METTL21A: variants seen among roughly 807,000 people sequenced by gnomAD.
The protein encoded by METTL21A is protein N-lysine methyltransferase METTL21A.
A neutral mutation model predicts 20.9 loss-of-function variants in METTL21A; 22 were observed. The observed-to-expected ratio is 1.05, with a 90% CI of 0.75 to 1.50. The LOEUF (loss-of-function observed/expected upper bound fraction) is 1.50. Ranked by LOEUF, METTL21A falls within the 40% of genes most tolerant of loss-of-function variation. The pLI is 0.00. For missense variants in METTL21A, 271 were observed against 266.8 expected, an observed-to-expected ratio of 1.02 and a Z score of -0.11; for synonymous variants, 93 against 102.0, an observed-to-expected ratio of 0.91 and a Z score of 0.53.
intron 3 of METTL21A, among the ~76,000 whole-genome samples, chr2:207,590,466 T>C (rs904192587): frequency 5.3e-5 from 8 of 152,090 alleles, no homozygotes; most frequent in African/African-American, 1.9e-4. Flanking sequence ...TGTACTCTGA[T>C]CTTTGTTATT....
intron 3 of METTL21A, among the ~76,000 whole-genome samples, chr2:207,617,214 G>A (rs1433206473): frequency 2.0e-5 from 3 of 152,192 alleles, no homozygotes; most frequent in African/African-American, 7.2e-5. Flanking sequence ...ATGTGCTAGA[G>A]ATACAAAGAT....
chr2:207,600,989 CT>C (rs2086954081), intron 3 of METTL21A: 1 of 7,352 alleles, frequency 1.4e-4, no homozygotes, highest in Non-Finnish European at 2.7e-4. Context: ...ATAAATTGGT[CT>C]CTGTTTATTT....
At chr2:207,593,459 G>A (rs1186019320) in intron 3 of METTL21A, among the ~76,000 whole-genome samples, 1 of 152,152 alleles carries the variant, frequency 6.6e-6, no homozygotes, top group Non-Finnish European at 1.5e-5. Context: ...GAGCCTGGGA[G>A]GTCAAGGCTG....
intron 3 of METTL21A, among the ~76,000 whole-genome samples, chr2:207,594,991 C>CTTTT (rs751274446): frequency 2.9e-4 from 34 of 118,840 alleles, no homozygotes; most frequent in Admixed American, 3.5e-4. Flanking sequence ...TGTTGAGCAT[C>CTTTT]TTTTTTTTTT....
downstream of METTL21A, among the ~76,000 whole-genome samples, chr2:207,608,382 T>C (rs1253171029): frequency 1.3e-5 from 2 of 151,450 alleles, no homozygotes; most frequent in African/African-American, 4.9e-5. Flanking sequence ...AGAAAATCAC[T>C]TGATTTTCAC....
At chr2:207,584,191 A>G (rs968036214) in intron 3 of METTL21A, among the ~76,000 whole-genome samples, 1 of 152,220 alleles carries the variant, frequency 6.6e-6, no homozygotes. Context: ...GGTTGCATGA[A>G]ATGTAACTAA....
chr2:207,583,108 C>T (rs2083232449), intron 3 of METTL21A, among the ~76,000 whole-genome samples: 1 of 151,888 alleles, frequency 6.6e-6, no homozygotes, highest in Non-Finnish European at 1.5e-5. Flanking sequence ...ATAGTATTTA[C>T]ATTGTATTAA....
chr2:207,603,475 G>GT lies in METTL21A; in HGVS notation c.259+18330dup, dbSNP rs551183821. 53 of 224,418 alleles carry GT rather than the reference G, an allele frequency of 2.4e-4. 1 individual carries two copies. The South Asian group carries it at 4.1e-3, about 17-fold the overall frequency. The allele number at this position is 224,418 out of a possible 1,614,324, so 13.9% of individuals were successfully genotyped here. A position where few individuals can be genotyped will look rare whatever the true frequency, so the allele number is the denominator to read the frequency against. ...GGATGGGATCTCTATATTTTGTTGG[G>GT]TTTTTTTTGCTAGTAGTGTGAAGCC... On this transcript the variant is annotated intron_variant, in intron 3 of 3. Coordinates refer to the METTL21A transcript ENST00000425132.
At chr2:207,597,827 C>A in intron 3 of METTL21A, 1 of 193,810 alleles carries the variant, frequency 5.2e-6, no homozygotes, top group Non-Finnish European at 1.1e-5. Flanking sequence ...TAAATTAAAG[C>A]AAAGTAAATA....
At chr2:207,603,530 A>G (rs2087496771) in intron 3 of METTL21A, 2 of 224,496 alleles carry the variant, frequency 8.9e-6, no homozygotes, top group East Asian at 6.5e-5. Flanking sequence ...GTTACAATAT[A>G]TTACAAGCTT....
At chr2:207,615,705 A>G (rs180905496) in intron 3 of METTL21A, 1,913 of 152,042 alleles carry the variant, frequency 0.013, 18 homozygotes, top group Non-Finnish European at 0.021. Context: ...AAAAAAAAAA[A>G]AAAAGAAAAG....
At chr2:207,620,217 G>A (rs1215418637) in intron 3 of METTL21A, among the ~76,000 whole-genome samples, 2 of 152,150 alleles carry the variant, frequency 1.3e-5, no homozygotes, top group African/African-American at 4.8e-5. Context: ...GCCAAGGTGG[G>A]CAGATCACCT....
chr2:207,605,595 G>C (rs1034019211), downstream of METTL21A, among the ~76,000 whole-genome samples: 1 of 152,142 alleles, frequency 6.6e-6, no homozygotes, highest in African/African-American at 2.4e-5. Flanking sequence ...GTGACAGTCT[G>C]TGCATATATA....
In METTL21A at chr2:207,596,884, A is replaced by G. The variant is rs995601442; in HGVS notation, c.260-14724T>C. On this transcript the variant is annotated intron_variant, in intron 3 of 3. Coordinates refer to the METTL21A transcript ENST00000425132. ...AAATAAATATGTGGAAATCATTTGC[A>G]TAATTTTTCCCGTCCTCTTTTGCTT... is the stretch of plus-strand genomic sequence containing the variant. The G allele has an allele frequency of 1.6e-5, 25 of 1,584,816 alleles. 1 individual carries two copies. The highest frequency in any genetic ancestry group is 3.9e-5 in the Admixed American group (2 of 50,926).
chr2:207,585,926 T>C (rs367669575), intron 3 of METTL21A, among the ~76,000 whole-genome samples: 33 of 152,096 alleles, frequency 2.2e-4, no homozygotes, highest in African/African-American at 7.7e-4. Context: ...GGAGAAAATA[T>C]AGGAAAAGGC....
At chr2:207,624,524 A>G in intron 1 of METTL21A, 120 bp from the exon 2 acceptor site, 1 of 904,108 alleles carries the variant, frequency 1.1e-6, no homozygotes, top group Admixed American at 3.7e-5. Flanking sequence ...AAACAGGTGG[A>G]GGAAGCCTTT....
chr2:207,594,766 T>C (rs2085778041), intron 3 of METTL21A, among the ~76,000 whole-genome samples: 1 of 152,076 alleles, frequency 6.6e-6, no homozygotes, highest in Non-Finnish European at 1.5e-5. Flanking sequence ...TATGGTAAAT[T>C]TTGTTCTTAA....
chr2:207,603,908 C>A (rs933449932), intron 3 of METTL21A, among the ~76,000 whole-genome samples: 2 of 152,178 alleles, frequency 1.3e-5, no homozygotes, highest in Admixed American at 1.3e-4. Flanking sequence ...GACGAGACAT[C>A]TGAAAATAAG....
intron 3 of METTL21A, among the ~76,000 whole-genome samples, chr2:207,589,994 G>A (rs1379336468): frequency 6.6e-6 from 1 of 150,430 alleles, no homozygotes; most frequent in Non-Finnish European, 1.5e-5. Context: ...TTCTGGAAGA[G>A]ATTATAATAT....
Sources: allele counts gnomAD v4.1 joint callset (sites outside exome capture counted in the v4.1 genomes callset), GRCh38; gene constraint gnomAD v4.1.1; transcripts MANE v1.5; gene names NCBI Gene and HGNC (gene_info 2026-07-23, HGNC 2026-07-21).